The following SEMA5A variants were observed in gnomAD, a reference collection of about 807,000 sequenced individuals.
SEMA5A encodes semaphorin 5A, also known as semaphorin-5A.
Under a neutral mutation model 135.5 loss-of-function variants are expected in SEMA5A, and 55 were observed. The ratio of observed to expected loss-of-function variants is 0.41; its 90% CI spans 0.33 to 0.51. The LOEUF is 0.51. SEMA5A is among the 20% of genes least tolerant of loss of function. The probability of loss-of-function intolerance (pLI) is 0.37; values close to 1 mark genes in which losing one functional copy is unlikely to be tolerated. For synonymous variants in SEMA5A, 580 were observed against 546.5 expected, an observed-to-expected ratio of 1.06 and a Z score of -0.85; for missense variants, 1,290 against 1,419.9, an observed-to-expected ratio of 0.91 and a Z score of 1.47.
intron 2 of SEMA5A, among the ~76,000 whole-genome samples, chr5:9,410,592 A>G (rs1006065020): frequency 6.6e-6 from 1 of 152,228 alleles, no homozygotes; most frequent in Non-Finnish European, 1.5e-5. Flanking sequence ...CATCTTCCTC[A>G]GCAAACAAAC....
intron 7 of SEMA5A, among the ~76,000 whole-genome samples, chr5:9,225,389 T>TAA (rs34806769): frequency 0.074 from 3,185 of 43,120 alleles, 358 homozygotes; most frequent in Non-Finnish European, 0.1. Flanking sequence ...CCATCTCTAC[T>TAA]AAAAAAAAAA....
At chr5:9,498,383 T>A (rs557734808) in intron 1 of SEMA5A, 1 of 152,322 alleles carries the variant, frequency 6.6e-6, no homozygotes, top group Non-Finnish European at 1.5e-5. Context: ...TCCATCGAAT[T>A]CTTTGGAGAT....
At chr5:9,235,118 G>T (rs1056897115) in intron 6 of SEMA5A, among the ~76,000 whole-genome samples, 1 of 152,184 alleles carries the variant, frequency 6.6e-6, no homozygotes, top group African/African-American at 2.4e-5. Context: ...TCCAGACTAT[G>T]AGGAGGAAAA....
intron 6 of SEMA5A, among the ~76,000 whole-genome samples, chr5:9,228,757 A>T (rs1043163511): frequency 2.0e-5 from 3 of 152,240 alleles, no homozygotes; most frequent in Admixed American, 2.0e-4. Context: ...CGAATGAATG[A>T]CGCACGAGGC....
chr5:9,300,551 G>A (rs921615916), intron 5 of SEMA5A, among the ~76,000 whole-genome samples: 1 of 152,178 alleles, frequency 6.6e-6, no homozygotes, highest in Admixed American at 6.5e-5. Flanking sequence ...CATAAACCCA[G>A]GAATATTTTC....
intron 2 of SEMA5A, among the ~76,000 whole-genome samples, chr5:9,393,004 A>G (rs766817642): frequency 1.1e-4 from 17 of 152,222 alleles, no homozygotes; most frequent in Non-Finnish European, 2.4e-4. Context: ...AGCTTCCCCT[A>G]AAGCATCTAA....
chr5:9,297,165 T>C (rs181798773), intron 5 of SEMA5A, among the ~76,000 whole-genome samples: 64 of 152,032 alleles, frequency 4.2e-4, no homozygotes, highest in African/African-American at 1.5e-3. Flanking sequence ...AAAATACATA[T>C]ATATATACAT....
intron 5 of SEMA5A, among the ~76,000 whole-genome samples, chr5:9,248,150 C>A (rs1748572855): frequency 6.6e-6 from 1 of 151,910 alleles, no homozygotes; most frequent in Non-Finnish European, 1.5e-5. Flanking sequence ...ATAAGAGCTC[C>A]ATCTAAGAAA....
chr5:9,251,726 A>G (rs577123890), intron 5 of SEMA5A, among the ~76,000 whole-genome samples: 2 of 152,326 alleles, frequency 1.3e-5, no homozygotes, highest in African/African-American at 4.8e-5. Flanking sequence ...GTGACAGTAC[A>G]ACAGCCTAAA....
intron 8 of SEMA5A, among the ~76,000 whole-genome samples, chr5:9,202,831 T>A (rs1230482025): frequency 1.3e-5 from 2 of 152,216 alleles, no homozygotes; most frequent in Non-Finnish European, 2.9e-5. Context: ...TTTCTGTTGC[T>A]ATGGTGACCA....
chr5:9,523,275 C>T (rs1193369870), intron 1 of SEMA5A: 3 of 152,104 alleles, frequency 2.0e-5, no homozygotes, highest in African/African-American at 7.2e-5. Context: ...TTTCCAGAGC[C>T]TTATCCTATC....
intron 8 of SEMA5A, among the ~76,000 whole-genome samples, chr5:9,207,964 G>C (rs1746139603): frequency 6.6e-6 from 1 of 152,090 alleles, no homozygotes; most frequent in African/African-American, 2.4e-5. Flanking sequence ...CTGTGTATAT[G>C]TGTGTATCAC....
At chr5:9,513,348 A>C (rs1736324384) in intron 1 of SEMA5A, among the ~76,000 whole-genome samples, 1 of 152,168 alleles carries the variant, frequency 6.6e-6, no homozygotes, top group Non-Finnish European at 1.5e-5. Context: ...AAAGGCATCA[A>C]ATCCTCTAGA....
At chr5:9,233,809 A>G (rs1296720491) in intron 6 of SEMA5A, among the ~76,000 whole-genome samples, 1 of 152,092 alleles carries the variant, frequency 6.6e-6, no homozygotes, top group Non-Finnish European at 1.5e-5. Context: ...GGGCACAGGC[A>G]GTGTCCTCCC....
At chr5:9,347,114 G>A (rs985635391) in intron 3 of SEMA5A, among the ~76,000 whole-genome samples, 3 of 151,994 alleles carry the variant, frequency 2.0e-5, no homozygotes, top group Non-Finnish European at 4.4e-5. Flanking sequence ...CACGAAAAAA[G>A]ACCCAAAATA....
At position 9,063,059 on chromosome 5, in the gene SEMA5A, C is replaced by A. The variant is rs372886222; in HGVS notation, c.2346G>T (p.Thr782=). The part of the protein sequence containing the change: ...FLRAGRYSAH[T]VNGAWSAWTS... ...TCCAGGCTGACCAAGCCCCGTTGAC[C>A]GTGTGGGCAGAGTATCTCCCAGCAC... Residue 782 remains threonine, a synonymous_variant, in exon 18 of 23, where the codon ACG becomes ACT. Coordinates refer to ENST00000382496, the MANE Select transcript of SEMA5A (RefSeq NM_003966.3). 8 of 1,614,046 alleles carry A rather than the reference C, an allele frequency of 5.0e-6. No homozygotes were observed. The Admixed American group carries it at 8.3e-5, about 17-fold the overall frequency.
rs1050795896 is a variant in SEMA5A, at chr5:9,322,759, T to C, written c.225-4342A>G. 7.9e-5 allele frequency among the ~76,000 whole-genome samples: 12 copies of C among 152,144 alleles called. No homozygotes were observed. The East Asian group carries it at 2.3e-3, about 29-fold the overall frequency. ...CAAGCCCCCCGTGTCTTGGTGTCCT[T>C]TGTCCCATTATGCCTCAAGGCCCCA... On this transcript the variant is annotated intron_variant, in intron 4 of 22. Coordinates refer to ENST00000382496, the MANE Select transcript of SEMA5A (RefSeq NM_003966.3).
At chr5:9,306,125 G>A (rs554002411) in intron 5 of SEMA5A, among the ~76,000 whole-genome samples, 5 of 152,222 alleles carry the variant, frequency 3.3e-5, no homozygotes, top group Non-Finnish European at 5.9e-5. Flanking sequence ...ACGTGCTGGT[G>A]TGGTTATCTA....
chr5:9,063,508 A>T (rs1737295072), intron 17 of SEMA5A, among the ~76,000 whole-genome samples: 1 of 152,180 alleles, frequency 6.6e-6, no homozygotes, highest in Non-Finnish European at 1.5e-5. Flanking sequence ...AAGGACCTCC[A>T]TCTGGAGGAA....
Sources: gnomAD v4.1 joint callset for allele counts (sites outside exome capture counted in the v4.1 genomes callset) on GRCh38, gnomAD v4.1.1 for gene constraint, MANE v1.5 for transcripts, NCBI Gene and HGNC (gene_info 2026-07-23, HGNC 2026-07-21) for gene names.